Variants in EPB41L4A observed in about 807,000 individuals in gnomAD.
EPB41L4A encodes the protein erythrocyte membrane protein band 4.1 like 4A, also known as band 4.1-like protein 4A.
Under a neutral mutation model 108.6 loss-of-function variants are expected in EPB41L4A, and 100 were observed. The ratio of observed to expected loss-of-function variants is 0.92; its 90% CI spans 0.78 to 1.09. The LOEUF (loss-of-function observed/expected upper bound fraction) is 1.09. EPB41L4A is among the 50% of genes least tolerant of loss of function. The probability of loss-of-function intolerance (pLI) is 0.00; values close to 1 mark genes in which losing one functional copy is unlikely to be tolerated. For missense variants in EPB41L4A, 1,030 were observed against 842.7 expected, an observed-to-expected ratio of 1.22 and a Z score of -2.75; for synonymous variants, 319 against 289.0, an observed-to-expected ratio of 1.10 and a Z score of -1.05.
chr5:112,409,128 T>C (rs1240077875), intron 1 of EPB41L4A, among the ~76,000 whole-genome samples: 1 of 152,180 alleles, frequency 6.6e-6, no homozygotes, highest in Admixed American at 6.5e-5. Context: ...AGTACATCCA[T>C]ACAATGGAAT....
chr5:112,256,891 A>G (rs1327980669), intron 9 of EPB41L4A: 2 of 152,154 alleles, frequency 1.3e-5, no homozygotes, highest in Non-Finnish European at 2.9e-5. Flanking sequence ...TACAGTGAAC[A>G]TGTACGATCT....
At position 112,322,209 on chromosome 5, in the gene EPB41L4A, A is replaced by G. The variant is rs185572669; in HGVS notation, c.100-14719T>C. On this transcript the variant is annotated intron_variant, in intron 1 of 22. Transcript: ENST00000261486. ...TCATAAATGTGAAACTTATTTAACCATGATAGCAATTCAAGGAAGAAGGTA... is the reference window on the plus strand; with the variant it reads ...TCATAAATGTGAAACTTATTTAACCGTGATAGCAATTCAAGGAAGAAGGTA... Among the ~76,000 whole-genome samples, 237 of 152,334 alleles carry G rather than the reference A, an allele frequency of 1.6e-3. 1 individual carries two copies. The highest frequency in any genetic ancestry group is 5.5e-3 in the African/African-American group (230 of 41,568).
At position 112,184,975 on chromosome 5, in the gene EPB41L4A, T is replaced by C. The variant is rs965587666; in HGVS notation, c.1503-840A>G. Among the ~76,000 whole-genome samples, 6 of 152,184 alleles carry C rather than the reference T, an allele frequency of 3.9e-5. No homozygotes were observed. In the South Asian group the frequency reaches 1.0e-3, roughly 26 times the overall value. ...GGACCACACTCAACCTGCAGAAATT[T>C]TGGACTTCCGAGGTATCAAGTCTTT... On this transcript the variant is annotated intron_variant, in intron 17 of 22. Transcript: ENST00000261486.
chr5:112,220,121 CTTTTA>C (rs955892661), intron 12 of EPB41L4A, among the ~76,000 whole-genome samples: 1 of 152,162 alleles, frequency 6.6e-6, no homozygotes, highest in African/African-American at 2.4e-5. Context: ...TCTATTCCTA[CTTTTA>C]TTTTGATTTT....
chr5:112,375,612 T>A (rs950806409), intron 1 of EPB41L4A, among the ~76,000 whole-genome samples: 1 of 152,182 alleles, frequency 6.6e-6, no homozygotes, highest in African/African-American at 2.4e-5. Context: ...TGATCAGTCA[T>A]AAACATGCTA....
intron 1 of EPB41L4A, among the ~76,000 whole-genome samples, chr5:112,323,403 T>A (rs1192932911): frequency 6.6e-6 from 1 of 152,228 alleles, no homozygotes; most frequent in Admixed American, 6.5e-5. Context: ...TATACTAGCA[T>A]GACTTTACTA....
At chr5:112,366,128 G>C (rs926320564) in intron 1 of EPB41L4A, among the ~76,000 whole-genome samples, 1 of 152,056 alleles carries the variant, frequency 6.6e-6, no homozygotes, top group Non-Finnish European at 1.5e-5. Context: ...AAGGAGCAAG[G>C]CATTCTTGTC....
At chr5:112,371,349 G>C (rs1324740907) in intron 1 of EPB41L4A, among the ~76,000 whole-genome samples, 2 of 152,192 alleles carry the variant, frequency 1.3e-5, no homozygotes, top group African/African-American at 4.8e-5. Flanking sequence ...TGTTCTCCAA[G>C]ACATCTGGTT....
At chr5:112,143,378 T>C (rs967180179) in exon 14 of EPB41L4A, 2 of 152,376 alleles carry the variant, frequency 1.3e-5, no homozygotes, top group Non-Finnish European at 2.9e-5. Flanking sequence ...GTTGCTACTT[T>C]TATTATCATC....
At chr5:112,226,846 G>C (rs1245190967) in intron 12 of EPB41L4A, among the ~76,000 whole-genome samples, 1 of 151,834 alleles carries the variant, frequency 6.6e-6, no homozygotes, top group African/African-American at 2.4e-5. Context: ...GGTGTTTACG[G>C]GGTATAGTTT....
intron 13 of EPB41L4A, among the ~76,000 whole-genome samples, chr5:112,209,066 C>CT (rs1762603399): frequency 6.6e-6 from 1 of 152,186 alleles, no homozygotes; most frequent in Non-Finnish European, 1.5e-5. Context: ...AAATTATGAA[C>CT]TATACTCCTC....
intron 13 of EPB41L4A, among the ~76,000 whole-genome samples, chr5:112,209,478 A>G (rs1762626448): frequency 6.6e-6 from 1 of 152,264 alleles, no homozygotes; most frequent in African/African-American, 2.4e-5. Context: ...TCTAAATGCC[A>G]TAAACCCTCT....
intron 1 of EPB41L4A, among the ~76,000 whole-genome samples, chr5:112,336,392 A>T (rs979010410): frequency 3.3e-5 from 5 of 152,162 alleles, no homozygotes; most frequent in African/African-American, 1.2e-4. Context: ...TCAATTCCAG[A>T]GTATGAAATA....
At chr5:112,296,990 TACACACACACACACACAC>T (rs10542487) in intron 2 of EPB41L4A, among the ~76,000 whole-genome samples, 1 of 148,766 alleles carries the variant, frequency 6.7e-6, no homozygotes, top group Non-Finnish European at 1.5e-5. Context: ...TATACATACA[TACACACACACACACACAC>T]ACACACACAC....
intron 2 of EPB41L4A, among the ~76,000 whole-genome samples, chr5:112,306,920 C>T (rs182680958): frequency 1.7e-3 from 258 of 152,240 alleles, no homozygotes; most frequent in Middle Eastern, 3.4e-3. Flanking sequence ...AAAACCTCTA[C>T]TTATTTTATT....
chr5:112,362,566 C>A (rs977343740), intron 1 of EPB41L4A, among the ~76,000 whole-genome samples: 1 of 152,176 alleles, frequency 6.6e-6, no homozygotes, highest in Non-Finnish European at 1.5e-5. Context: ...CAGGCACGAG[C>A]CACCGCACCC....
rs781329353 is a variant in EPB41L4A, at chr5:112,262,570, G to T, written c.566C>A (p.Pro189His). 25 of 1,613,898 alleles carry T rather than the reference G, an allele frequency of 1.5e-5. No individual in the cohort carries two copies. The highest frequency in any genetic ancestry group is 1.9e-5 in the Non-Finnish European group (23 of 1,179,950). Residue 189 changes from proline to histidine, a missense_variant, in exon 7 of 23, where the codon CCT becomes CAT. Physicochemically the swap from Pro to His is moderately conservative, Grantham distance 77 (BLOSUM62 -2). Coordinates refer to ENST00000261486, the MANE Select transcript of EPB41L4A (RefSeq NM_022140.5). ...RIHKTLMGQI[P>H]SEAELNYLRT... ...CAAGTAATTCAGCTCAGCCTCAGAA[G>T]GAATCTGACCCCTACACCCAGCACA...
intron 12 of EPB41L4A, among the ~76,000 whole-genome samples, chr5:112,157,179 T>C (rs78294625): frequency 0.054 from 8,149 of 150,616 alleles, 739 homozygotes; most frequent in African/African-American, 0.19. Flanking sequence ...TCTATGATGA[T>C]GGTGGCATGG....
chr5:112,280,291 T>C lies in EPB41L4A; in HGVS notation c.237A>G (p.Glu79=), dbSNP rs1274235825. 6.2e-7 allele frequency: 1 copy of C among 1,614,080 alleles called. No homozygotes were observed. The highest frequency in any genetic ancestry group is 1.7e-5 in the Admixed American group (1 of 60,032). ...YWLDPAKTLA[E]HKELINTGPP... is the part of the protein sequence containing the mutation. ...ACCTACTGTTGATCAGTTCTTTGTGTTCAGCAAGGGTTTTTGCAGGATCCA... is the reference window on the plus strand; with the variant it reads ...ACCTACTGTTGATCAGTTCTTTGTGCTCAGCAAGGGTTTTTGCAGGATCCA... The change falls in exon 3 of 23, where the codon GAA becomes GAG. Residue 79 remains glutamate (E), a synonymous_variant. Coordinates refer to ENST00000261486, the MANE Select transcript of EPB41L4A (RefSeq NM_022140.5).
Sources: gnomAD v4.1 joint callset for allele counts (sites outside exome capture counted in the v4.1 genomes callset) on GRCh38, gnomAD v4.1.1 for gene constraint, MANE v1.5 for transcripts, NCBI Gene and HGNC (gene_info 2026-07-23, HGNC 2026-07-21) for gene names.